ZBTB20: variants seen among roughly 807,000 people sequenced by gnomAD.
ZBTB20 encodes the protein zinc finger and BTB domain-containing protein 20.
A neutral mutation model predicts 56.9 loss-of-function variants in ZBTB20; 9 were observed. That is an observed-to-expected ratio of 0.16 (90% CI 0.10 to 0.28). The LOEUF is 0.28. Among genes scored for constraint, ZBTB20 ranks in the 10% least tolerant of loss-of-function variants. The pLI, the probability that ZBTB20 is intolerant of heterozygous loss-of-function variation, is 1.00. For missense variants in ZBTB20, 655 were observed against 1,003.0 expected (o/e 0.65, Z 4.69); for synonymous variants, 417 against 420.7 (o/e 0.99, Z 0.11).
intron 6 of ZBTB20, chr3:114,518,474 T>A (rs924844356): frequency 1.3e-5 from 2 of 152,230 alleles, no homozygotes; most frequent in African/African-American, 2.4e-5. Context: ...GAAAAAAGAA[T>A]CTTCAAATAT....
intron 6 of ZBTB20, among the ~76,000 whole-genome samples, chr3:114,526,106 G>GT (rs1186044415): frequency 3.3e-5 from 5 of 152,066 alleles, no homozygotes; most frequent in Admixed American, 2.6e-4. Flanking sequence ...TGTGGGATTT[G>GT]TTTTTCCTTG....
intron 5 of ZBTB20, among the ~76,000 whole-genome samples, chr3:114,773,331 A>G (rs2069350978): frequency 6.6e-6 from 1 of 152,220 alleles, no homozygotes; most frequent in Non-Finnish European, 1.5e-5. Context: ...GCAACAGAAA[A>G]CAAATATATT....
At chr3:114,555,390 A>G (rs1372580480) in intron 6 of ZBTB20, among the ~76,000 whole-genome samples, 1 of 152,064 alleles carries the variant, frequency 6.6e-6, no homozygotes, top group Admixed American at 6.6e-5. Context: ...ACGCCTGTCG[A>G]CATCCCAGCA....
At chr3:114,950,800 T>G (rs2077040852) in intron 3 of ZBTB20, among the ~76,000 whole-genome samples, 1 of 152,046 alleles carries the variant, frequency 6.6e-6, no homozygotes, top group South Asian at 2.1e-4. Context: ...CTGAAAATAA[T>G]AATAATAGAA....
intron 6 of ZBTB20, among the ~76,000 whole-genome samples, chr3:114,606,404 ACTTTT>A (rs2057157425): frequency 6.6e-6 from 1 of 151,944 alleles, no homozygotes; most frequent in Non-Finnish European, 1.5e-5. Context: ...GTTGGGATTC[ACTTTT>A]CTTTTTTTTT....
At chr3:114,585,027 G>C (rs1443643086) in intron 6 of ZBTB20, among the ~76,000 whole-genome samples, 4 of 152,062 alleles carry the variant, frequency 2.6e-5, no homozygotes, top group African/African-American at 7.2e-5. Context: ...ACACCATAGG[G>C]GGCAATAGGC....
chr3:114,801,297 CTTTTTTTCTTTTT>C (rs1295085777), intron 4 of ZBTB20, 123 bp from the exon 5 acceptor site: 7 of 63,068 alleles, frequency 1.1e-4, no homozygotes, highest in Admixed American at 7.3e-4. Context: ...CGTGGCTTTT[CTTTTTTTCTTTTT>C]TTTTTTTTTT....
chr3:114,896,913 C>T (rs585296), intron 4 of ZBTB20, among the ~76,000 whole-genome samples: 147,774 of 152,108 alleles, frequency 0.97, 71,948 homozygotes, highest in East Asian at 1. Flanking sequence ...TATAGAACCT[C>T]TGAGTACAAT....
intron 3 of ZBTB20, among the ~76,000 whole-genome samples, chr3:114,960,740 C>A (rs572135295): frequency 6.6e-6 from 1 of 152,070 alleles, no homozygotes; most frequent in Non-Finnish European, 1.5e-5. Flanking sequence ...TTCTAGACAT[C>A]ATCAGAAGTG....
At chr3:115,032,957 C>CAAAAAAA (rs2080756270) in intron 2 of ZBTB20, among the ~76,000 whole-genome samples, 1 of 54,484 alleles carries the variant, frequency 1.8e-5, no homozygotes, top group Non-Finnish European at 3.6e-5. Context: ...ACCTAAGGAA[C>CAAAAAAA]TAAAAAAAAA....
At chr3:114,666,963 T>C (rs1032935810) in intron 6 of ZBTB20, among the ~76,000 whole-genome samples, 2 of 151,966 alleles carry the variant, frequency 1.3e-5, no homozygotes, top group African/African-American at 4.8e-5. Flanking sequence ...TAAAAATAGA[T>C]AGAAGGCAAT....
chr3:115,114,148 A>G (rs2083957282), intron 1 of ZBTB20, among the ~76,000 whole-genome samples: 2 of 152,218 alleles, frequency 1.3e-5, no homozygotes, highest in Non-Finnish European at 2.9e-5. Flanking sequence ...ACTGAAGAGC[A>G]AACTGCTCTT....
intron 8 of ZBTB20, among the ~76,000 whole-genome samples, chr3:114,382,557 A>G (rs2084509650): frequency 6.6e-6 from 1 of 152,124 alleles, no homozygotes; most frequent in Non-Finnish European, 1.5e-5. Flanking sequence ...ATTATCCTTC[A>G]TACTTATTAA....
At chr3:114,849,849 AAG>A (rs1305759568) in intron 4 of ZBTB20, among the ~76,000 whole-genome samples, 1 of 152,036 alleles carries the variant, frequency 6.6e-6, no homozygotes, top group Admixed American at 6.6e-5. Flanking sequence ...AGGATCTGAT[AAG>A]AGATTCTTAA....
intron 4 of ZBTB20, among the ~76,000 whole-genome samples, chr3:114,824,601 G>T (rs1379867781): frequency 1.3e-5 from 2 of 151,812 alleles, no homozygotes; most frequent in African/African-American, 4.8e-5. Flanking sequence ...ATGTTTGTTT[G>T]AACTTGCTTA....
intron 1 of ZBTB20, among the ~76,000 whole-genome samples, chr3:115,079,102 C>A (rs1451580432): frequency 2.0e-5 from 3 of 152,130 alleles, no homozygotes; most frequent in African/African-American, 7.2e-5. Flanking sequence ...ATTTATTCCA[C>A]ATAAACTTAT....
chr3:114,419,435 G>A (rs2088915851), intron 7 of ZBTB20, among the ~76,000 whole-genome samples: 1 of 151,926 alleles, frequency 6.6e-6, no homozygotes, highest in Admixed American at 6.6e-5. Context: ...ATAGTAATAG[G>A]GCAGGAAAAT....
intron 4 of ZBTB20, among the ~76,000 whole-genome samples, chr3:114,804,714 A>G (rs1005902797): frequency 3.9e-5 from 6 of 152,046 alleles, no homozygotes; most frequent in Non-Finnish European, 7.4e-5. Context: ...CCCATCACCC[A>G]TAGTCAATTG....
rs1318213650 is a variant in ZBTB20 at position 114,497,754 on chromosome 3, C to A, written c.-255+2598G>T. Among the ~76,000 whole-genome samples, 4 of 152,328 alleles carry A rather than the reference C, an allele frequency of 2.6e-5. No individual in the cohort carries two copies. In the East Asian group the frequency reaches 7.7e-4, roughly 29 times the overall value. On this transcript the variant is annotated intron_variant, in intron 7 of 11. Coordinates refer to ENST00000675478, the MANE Select transcript of ZBTB20 (RefSeq NM_001348800.3). ...ACAAAAGAAAGCATTTCTTATTTATCCCGGAGTTTCCAGAACCAAGCACAG... is the reference window on the plus strand; with the variant it reads ...ACAAAAGAAAGCATTTCTTATTTATACCGGAGTTTCCAGAACCAAGCACAG...
Sources: gnomAD v4.1 joint callset for allele counts (sites outside exome capture counted in the v4.1 genomes callset) on GRCh38, gnomAD v4.1.1 for gene constraint, MANE v1.5 for transcripts, NCBI Gene and HGNC (gene_info 2026-07-23, HGNC 2026-07-21) for gene names.